The following GAL3ST3 variants were observed in gnomAD, a reference collection of about 807,000 sequenced individuals.
GAL3ST3 encodes galactose-3-O-sulfotransferase 3, also known as beta-galactose-3-O-sulfotransferase 3.
A neutral mutation model predicts 20.8 loss-of-function variants in GAL3ST3; 21 were observed. That is an observed-to-expected ratio of 1.01 (90% confidence interval 0.72 to 1.45). GAL3ST3 has a LOEUF of 1.45. Ranked by LOEUF, GAL3ST3 falls within the 40% of genes most tolerant of loss-of-function variation. The pLI is 0.00. For missense variants in GAL3ST3, 739 were observed against 662.7 expected (o/e 1.12, Z -1.26); for synonymous variants, 355 against 307.2 (o/e 1.16, Z -1.63).
At chr11:66,044,472 T>TGGTCA (rs1310837163) in intron 2 of GAL3ST3, among the ~76,000 whole-genome samples, 1 of 152,190 alleles carries the variant, frequency 6.6e-6, no homozygotes, top group African/African-American at 2.4e-5. Context: ...ACGACTCACA[T>TGGTCA]GGTCACTAAA....
At position 66,043,519 on chromosome 11, in the gene GAL3ST3, G is replaced by T. The variant is rs1590699846; in HGVS notation, c.284C>A (p.Ala95Asp). 6.2e-7 allele frequency: 1 copy of T among 1,610,660 alleles called. No homozygotes were observed. The highest frequency in any genetic ancestry group is 2.2e-5 in the East Asian group (1 of 44,846). ...RFAERHNLTV[A>D]LPHPSCEHQF... is the part of the protein sequence containing the mutation. ...GTGCTCGCAGCTCGGGTGCGGCAGG[G>T]CCACCGTCAGGTTGTGGCGCTCGGC... Residue 95 changes from alanine (A) to aspartate (D), a missense_variant, in exon 3 of 3, where the codon GCC becomes GAC. Physicochemically the swap from Ala to Asp is moderately radical, Grantham distance 126. Transcript: ENST00000312006.
rs112721093 is a variant in GAL3ST3 at position 66,043,697 on chromosome 11, T to C, written c.126-20A>G. On this transcript the variant is annotated intron_variant, in intron 2 of 2. Transcript: ENST00000312006. ...GGGTACCTGCCAGGCCCAGGGAGTG[T>C]GCGGAGAGGAGGGTGTGAGGGGGCT... The C allele has an allele frequency of 1.3e-4, 203 of 1,575,954 alleles. No individual in the cohort carries two copies. In the African/African-American group the frequency reaches 2.2e-3, roughly 17 times the overall value.
chr11:66,045,241 G>A (rs1856768380), intron 2 of GAL3ST3, 50 bp downstream of exon 2: 1 of 1,442,128 alleles, frequency 6.9e-7, no homozygotes, highest in South Asian at 1.4e-5. Flanking sequence ...TCTAGCAGGT[G>A]GAAGAATGGG....
chr11:66,044,781 G>A (rs901542817), intron 2 of GAL3ST3, among the ~76,000 whole-genome samples: 9 of 152,184 alleles, frequency 5.9e-5, no homozygotes, highest in African/African-American at 2.2e-4. Flanking sequence ...GGGGCTGGGC[G>A]CATTCACACC....
Position 66,042,766 on chromosome 11 carries a change from G to C in GAL3ST3, c.1037C>G (p.Ala346Gly). The change falls in exon 3 of 3, where the codon GCG becomes GGG. Residue 346 changes from alanine to glycine, a missense_variant. Transcript: ENST00000312006. ...CTGCAGCTGCTTGGTGCGGATCTGC[G>C]CGGCAGGCCGCAGCAGTGGCTCGTC... Reference protein sequence around the residue: ...FGDEPLLRPAAQIRTKQLQPW... With the variant: ...FGDEPLLRPAGQIRTKQLQPW... The C allele has an allele frequency of 1.3e-6, 2 of 1,519,726 alleles. No individual in the cohort carries two copies. The highest frequency in any genetic ancestry group is 1.8e-6 in the Non-Finnish European group (2 of 1,140,766). 94.1% of individuals were successfully genotyped at this position (1,519,726 alleles called of 1,614,324 possible). A position where few individuals can be genotyped will look rare whatever the true frequency, so the allele number is the denominator to read the frequency against.
At position 66,043,353 on chromosome 11, in the gene GAL3ST3, G is replaced by C. The variant is rs763744159; in HGVS notation, c.450C>G (p.Ile150Met). The C allele has an allele frequency of 1.2e-5, 19 of 1,610,056 alleles. No individual in the cohort carries two copies. Among genetic ancestry groups the C allele is most frequent in the Admixed American group, 3.4e-5 (2 of 59,640 alleles). The change falls in exon 3 of 3, where the codon ATC becomes ATG. Residue 150 changes from isoleucine to methionine, a missense_variant. Ile to Met is a conservative substitution (Grantham distance 10, BLOSUM62 1). Coordinates refer to ENST00000312006, the MANE Select transcript of GAL3ST3 (RefSeq NM_033036.3). ...CGAACATGGCGGCCGGCTCGCGCAG[G>C]ATGGTGACATAGACGGTGCTGGGCG... ...LMPPSTVYVTILREPAAMFES... is the reference protein window; with the variant it reads ...LMPPSTVYVTMLREPAAMFES...
Position 66,042,677 on chromosome 11 carries a change from G to A in GAL3ST3, c.1126C>T (p.Pro376Ser), listed in dbSNP as rs1294288717. 2.0e-6 allele frequency: 3 copies of A among 1,534,222 alleles called. No individual in the cohort carries two copies. The highest frequency in any genetic ancestry group is 2.6e-6 in the Non-Finnish European group (3 of 1,145,934). Reference protein sequence around the residue: ...GYDLPGGGAGPATEACLKLAM... With the variant: ...GYDLPGGGAGSATEACLKLAM... The stretch of plus-strand genomic sequence containing the variant: ...AGCTTGAGGCAGGCCTCGGTGGCCG[G>A]GCCGGCGCCGCCGCCGGGCAGGTCA... Residue 376 changes from proline (P) to serine (S), a missense_variant, in exon 3 of 3, where the codon CCG becomes TCG. Transcript: ENST00000312006.
Position 66,043,433 on chromosome 11 carries a change from G to A in GAL3ST3, c.370C>T (p.His124Tyr). The A allele has an allele frequency of 1.2e-6, 2 of 1,608,864 alleles. No individual in the cohort carries two copies. Among genetic ancestry groups the A allele is most frequent in the Non-Finnish European group, 1.7e-6 (2 of 1,178,026 alleles). ...AAGCGCAGGTGGCTGGCCAGCACGT[G>A]CGGCGGCCGCGTGGCCGGGTGCACG... ...HFVHPATRPP[H>Y]VLASHLRFDR... is the part of the protein sequence containing the mutation. The change falls in exon 3 of 3, where the codon CAC becomes TAC. Residue 124 changes from histidine to tyrosine, a missense_variant. His to Tyr is a moderately conservative substitution (Grantham distance 83). Coordinates refer to ENST00000312006, the MANE Select transcript of GAL3ST3 (RefSeq NM_033036.3).
Position 66,040,915 on chromosome 11 carries a change from CCAAT to C in GAL3ST3, c.*1588_*1591del, listed in dbSNP as rs1288262992. On this transcript the variant is annotated 3_prime_UTR_variant, in exon 3 of 3. Transcript: ENST00000312006. The stretch of plus-strand genomic sequence containing the variant: ...CAAGCCCAGCGTGTCATGCATCCTG[CCAAT>C]CAATCACTGTAATGTCCATTGTCCA... Among the ~76,000 whole-genome samples the C allele has an allele frequency of 1.3e-5, 2 of 152,202 alleles. No individual in the cohort carries two copies. The highest frequency in any genetic ancestry group is 1.5e-5 in the Non-Finnish European group (1 of 68,034).
chr11:66,042,758 G>C lies in GAL3ST3; in HGVS notation c.1045C>G (p.Arg349Gly). Residue 349 changes from arginine (R) to glycine (G), a missense_variant, in exon 3 of 3, where the codon CGC (arginine) becomes GGC (glycine). Physicochemically the swap from Arg to Gly is moderately radical, Grantham distance 125. Transcript: ENST00000312006. ...TGCCACGGCTGCAGCTGCTTGGTGC[G>C]GATCTGCGCGGCAGGCCGCAGCAGT... ...EPLLRPAAQI[R>G]TKQLQPWQPS... 1.3e-6 allele frequency: 2 copies of C among 1,529,356 alleles called. No individual in the cohort carries two copies. Among genetic ancestry groups the C allele is most frequent in the Non-Finnish European group, 1.7e-6 (2 of 1,144,082 alleles). The allele number at this position is 1,529,356 out of a possible 1,614,324, so 94.7% of individuals were successfully genotyped here.
rs775410879 is a variant in GAL3ST3 at position 66,043,347 on chromosome 11, G to A, written c.456C>T (p.Arg152=). 7 of 1,609,798 alleles carry A rather than the reference G, an allele frequency of 4.3e-6. No homozygotes were observed. Among genetic ancestry groups the A allele is most frequent in the South Asian group, 2.2e-5 (2 of 90,714 alleles). ...PPSTVYVTIL[R]EPAAMFESLF... ...GCGACTCGAACATGGCGGCCGGCTCGCGCAGGATGGTGACATAGACGGTGC... is the reference window on the plus strand; with the variant it reads ...GCGACTCGAACATGGCGGCCGGCTCACGCAGGATGGTGACATAGACGGTGC... Residue 152 remains arginine, a synonymous_variant, in exon 3 of 3, where the codon CGC becomes CGT. Coordinates refer to ENST00000312006, the MANE Select transcript of GAL3ST3 (RefSeq NM_033036.3).
chr11:66,045,357 ATTTTCC>A lies in GAL3ST3; in HGVS notation c.53_58del (p.Arg18_Ile20delinsLeu). On this transcript the variant is annotated inframe_deletion, in exon 2 of 3. Coordinates refer to ENST00000312006, the MANE Select transcript of GAL3ST3 (RefSeq NM_033036.3). ...GCTGCACCCTAGCACCAGCAGCAGG[ATTTTCC>A]GGCGGCTCATCATCTTGGTGGCCTG... 6.2e-7 allele frequency: 1 copy of A among 1,606,980 alleles called. No homozygotes were observed. Among genetic ancestry groups the A allele is most frequent in the East Asian group, 2.3e-5 (1 of 44,126 alleles).
At chr11:66,048,753 G>A (rs1257308538) in intron 1 of GAL3ST3, among the ~76,000 whole-genome samples, 3 of 148,418 alleles carry the variant, frequency 2.0e-5, no homozygotes, top group Admixed American at 6.8e-5. Flanking sequence ...CTGCCCACCC[G>A]CACCATACCT....
intron 1 of GAL3ST3, among the ~76,000 whole-genome samples, chr11:66,048,392 T>C (rs1003069139): frequency 2.0e-5 from 3 of 152,258 alleles, no homozygotes; most frequent in African/African-American, 7.2e-5. Context: ...CTGTCTCCTC[T>C]GAGCTCTAGA....
Position 66,043,374 on chromosome 11 carries a change from G to T in GAL3ST3, c.429C>A (p.Pro143=). The T allele has an allele frequency of 6.2e-7, 1 of 1,610,222 alleles. No individual in the cohort carries two copies. The highest frequency in any genetic ancestry group is 8.5e-7 in the Non-Finnish European group (1 of 1,178,654). ...DRAELERLMP[P]STVYVTILRE... is the part of the protein sequence containing the mutation. Reference sequence around the variant, plus strand: ...GCAGGATGGTGACATAGACGGTGCTGGGCGGCATGAGGCGCTCCAGCTCCG... The same window carrying T: ...GCAGGATGGTGACATAGACGGTGCTTGGCGGCATGAGGCGCTCCAGCTCCG... Residue 143 remains proline, a synonymous_variant, in exon 3 of 3, where the codon CCC becomes CCA. Coordinates refer to ENST00000312006, the MANE Select transcript of GAL3ST3 (RefSeq NM_033036.3).
At chr11:66,043,750 G>T (rs1187004311) in intron 2 of GAL3ST3, 73 bp from the exon 3 acceptor site, 5 of 1,375,048 alleles carry the variant, frequency 3.6e-6, no homozygotes, top group Non-Finnish European at 4.9e-6. Flanking sequence ...CTTACCCAAG[G>T]ACTGTGGGAT....
chr11:66,045,030 A>T, intron 2 of GAL3ST3: 1 of 244,330 alleles, frequency 4.1e-6, no homozygotes. Flanking sequence ...AGTTGTGAGA[A>T]GTTGTTTCCA....
At chr11:66,045,257 G>A in intron 2 of GAL3ST3, 34 bp downstream of exon 2, 1 of 1,480,244 alleles carries the variant, frequency 6.8e-7, no homozygotes. Context: ...ATGGGGAGGG[G>A]AGCTCCGGCC....
chr11:66,042,201 C>G lies in GAL3ST3; in HGVS notation c.*306G>C, dbSNP rs1856711837. On this transcript the variant is annotated 3_prime_UTR_variant, in exon 3 of 3. Transcript: ENST00000312006. ...GAAAAGACAGGTTGTGGGGGCTCAG[C>G]CCCCAGAAAAAGGCAGGGTGAGCAG... 1 of 297,974 alleles carries G rather than the reference C, an allele frequency of 3.4e-6. No homozygotes were observed. The highest frequency in any genetic ancestry group is 2.2e-5 in the African/African-American group (1 of 45,828). The allele number at this position is 297,974 out of a possible 1,614,324, so 18.5% of individuals were successfully genotyped here. A position where few individuals can be genotyped will look rare whatever the true frequency, so the allele number is the denominator to read the frequency against.
Sources: gnomAD v4.1 joint callset for allele counts (sites outside exome capture counted in the v4.1 genomes callset) on GRCh38, gnomAD v4.1.1 for gene constraint, MANE v1.5 for transcripts, NCBI Gene and HGNC (gene_info 2026-07-23, HGNC 2026-07-21) for gene names.